Variants in PLEKHA8 observed in about 807,000 individuals in gnomAD.
PLEKHA8 encodes the protein pleckstrin homology domain-containing family A member 8.
In PLEKHA8, 36 loss-of-function variants were observed where a neutral mutation model predicts 68.2. That is an observed-to-expected ratio of 0.53 (90% CI 0.40 to 0.70). The LOEUF is 0.70. PLEKHA8 is among the 30% of genes least tolerant of loss of function. PLEKHA8 has a pLI of 0.00. For synonymous variants in PLEKHA8, 211 were observed against 216.1 expected (o/e 0.98, Z 0.20); for missense variants, 505 against 615.4 (o/e 0.82, Z 1.90).
chr7:30,064,154 C>G (rs750144368), intron 12 of PLEKHA8, among the ~76,000 whole-genome samples: 1 of 152,236 alleles, frequency 6.6e-6, no homozygotes, highest in Admixed American at 6.5e-5. Context: ...CTGATCCTCA[C>G]TTTGTTCATC....
chr7:30,130,346 C>CAG (rs1420940882), downstream of PLEKHA8: 1 of 152,202 alleles, frequency 6.6e-6, no homozygotes, highest in Admixed American at 6.5e-5. Flanking sequence ...TGTTGGGCTT[C>CAG]ACTGAAGGAA....
intron 10 of PLEKHA8, 56 bp from the exon 11 acceptor site, chr7:30,061,841 G>A: frequency 6.2e-7 from 1 of 1,604,038 alleles, no homozygotes; most frequent in South Asian, 1.1e-5. Flanking sequence ...ACTATACTGA[G>A]TTGCTTGATA....
chr7:30,074,012 C>A, intron 12 of PLEKHA8, 59 bp from the exon 13 acceptor site: 13 of 1,408,518 alleles, frequency 9.2e-6, no homozygotes, highest in Admixed American at 1.9e-5. Context: ...GTACATTATA[C>A]AAATAGCACA....
chr7:30,058,760 T>A (rs1362730313), intron 9 of PLEKHA8, among the ~76,000 whole-genome samples: 1 of 152,222 alleles, frequency 6.6e-6, no homozygotes, highest in Non-Finnish European at 1.5e-5. Flanking sequence ...CAATTCCTAT[T>A]TAAAAGCTTT....
At chr7:30,101,605 G>C (rs1224157526) in intron 13 of PLEKHA8, among the ~76,000 whole-genome samples, 4 of 152,174 alleles carry the variant, frequency 2.6e-5, no homozygotes, top group Non-Finnish European at 5.9e-5. Flanking sequence ...CCCACCTCCT[G>C]ATACCATCAC....
chr7:30,058,773 A>T (rs1793201520), intron 9 of PLEKHA8, among the ~76,000 whole-genome samples: 1 of 152,208 alleles, frequency 6.6e-6, no homozygotes, highest in Admixed American at 6.5e-5. Context: ...AAAGCTTTTT[A>T]GGATTTTGAT....
At position 30,081,847 on chromosome 7, in the gene PLEKHA8, C is replaced by T. The variant is rs993287441; in HGVS notation, c.*3060C>T. ...TCTCTATGGTAAAAGCCAGTGTTTA[C>T]ACTTTGTAGGGATCAGGGTGTATTT... On this transcript the variant is annotated 3_prime_UTR_variant, in exon 14 of 14. Transcript: ENST00000449726. 5.1e-6 allele frequency: 5 copies of T among 985,288 alleles called. No individual in the cohort carries two copies. The South Asian group carries it at 1.4e-4, about 28-fold the overall frequency. 61.0% of individuals were successfully genotyped at this position (985,288 alleles called of 1,614,324 possible).
chr7:30,035,447 G>A (rs1790993330), intron 1 of PLEKHA8, among the ~76,000 whole-genome samples: 1 of 152,150 alleles, frequency 6.6e-6, no homozygotes, highest in African/African-American at 2.4e-5. Context: ...ATGATGCCCA[G>A]AAAATTTAGT....
intron 13 of PLEKHA8, among the ~76,000 whole-genome samples, chr7:30,120,295 G>A (rs1776264860): frequency 6.6e-6 from 1 of 152,158 alleles, no homozygotes; most frequent in African/African-American, 2.4e-5. Flanking sequence ...TAGAATCAGG[G>A]CTGCTACATG....
In PLEKHA8 at chr7:30,127,940, C is replaced by T. The variant is rs371183296; in HGVS notation, c.1363-1326C>T. ...TTAAATAAAATCTTTGATGTTTCAT[C>T]CTATATTTTTGTGTCATGATTTTAC... On this transcript the variant is annotated intron_variant, in intron 13 of 13. Transcript: ENST00000396257. Among the ~76,000 whole-genome samples the T allele has an allele frequency of 4.1e-4, 63 of 152,140 alleles. 1 individual carries two copies. Among genetic ancestry groups the T allele is most frequent in the African/African-American group, 1.4e-3 (57 of 41,532 alleles).
chr7:30,101,153 G>T (rs1795837345), intron 13 of PLEKHA8, among the ~76,000 whole-genome samples: 1 of 150,858 alleles, frequency 6.6e-6, no homozygotes, highest in African/African-American at 2.4e-5. Flanking sequence ...TTGCACTCCA[G>T]CCTGGGCAAC....
At chr7:30,108,072 A>AC (rs1305023222) in intron 13 of PLEKHA8, among the ~76,000 whole-genome samples, 1 of 147,188 alleles carries the variant, frequency 6.8e-6, no homozygotes, top group African/African-American at 2.6e-5. Context: ...CATCTCAAAA[A>AC]AAAAAAAAAA....
chr7:30,129,759 C>T (rs921355787), downstream of PLEKHA8: 2 of 158,578 alleles, frequency 1.3e-5, no homozygotes, highest in African/African-American at 4.8e-5. Context: ...GTCCTTATTC[C>T]ATTTTTACAG....
chr7:30,044,317 T>A (rs1791782338), intron 1 of PLEKHA8, among the ~76,000 whole-genome samples: 1 of 152,108 alleles, frequency 6.6e-6, no homozygotes, highest in Non-Finnish European at 1.5e-5. Context: ...GATGACATTT[T>A]ATGAAGAGAT....
At chr7:30,129,239 G>A in intron 13 of PLEKHA8, 1 of 1,612,856 alleles carries the variant, frequency 6.2e-7, no homozygotes, top group Non-Finnish European at 8.5e-7. Context: ...GTGTTCCTCT[G>A]TCCTTCCCTC....
At chr7:30,102,711 T>C (rs1343372060) in intron 13 of PLEKHA8, among the ~76,000 whole-genome samples, 1 of 152,210 alleles carries the variant, frequency 6.6e-6, no homozygotes, top group Non-Finnish European at 1.5e-5. Context: ...ATATGAAATA[T>C]CTAGAATAGG....
intron 12 of PLEKHA8, among the ~76,000 whole-genome samples, chr7:30,066,420 C>T (rs1184667594): frequency 6.6e-6 from 1 of 152,206 alleles, no homozygotes; most frequent in Non-Finnish European, 1.5e-5. Context: ...AGACTTTACA[C>T]TGCCCCTTTT....
downstream of PLEKHA8, among the ~76,000 whole-genome samples, chr7:30,086,513 T>G (rs1583453890): frequency 1.3e-5 from 2 of 152,300 alleles, no homozygotes; most frequent in Non-Finnish European, 2.9e-5. Context: ...AAGAATGTGT[T>G]TGGATGTCTG....
At chr7:30,099,046 G>A (rs748581871) in intron 13 of PLEKHA8, among the ~76,000 whole-genome samples, 2 of 152,136 alleles carry the variant, frequency 1.3e-5, no homozygotes, top group African/African-American at 2.4e-5. Flanking sequence ...GTGAGCCACC[G>A]TGCCCAGCCT....
Sources: gnomAD v4.1 joint callset for allele counts (sites outside exome capture counted in the v4.1 genomes callset) on GRCh38, gnomAD v4.1.1 for gene constraint, MANE v1.5 for transcripts, NCBI Gene and HGNC (gene_info 2026-07-23, HGNC 2026-07-21) for gene names.